Variants in KIAA1217 observed in about 807,000 individuals in gnomAD.
KIAA1217 encodes KIAA1217, also known as sickle tail protein homolog.
KIAA1217 carries 88 observed loss-of-function variants against 163.9 expected under a neutral mutation model. The ratio of observed to expected loss-of-function variants is 0.54; its 90% CI spans 0.45 to 0.64. KIAA1217 has a LOEUF of 0.64. Among genes scored for constraint, KIAA1217 ranks in the 30% least tolerant of loss-of-function variants. The pLI is 0.00. For missense variants in KIAA1217, 2,372 were observed against 2,475.0 expected, an observed-to-expected ratio of 0.96 and a Z score of 0.88; for synonymous variants, 903 against 923.1, an observed-to-expected ratio of 0.98 and a Z score of 0.39.
chr10:24,536,570 T>C (rs1006568355), intron 16 of KIAA1217, among the ~76,000 whole-genome samples: 9 of 152,148 alleles, frequency 5.9e-5, no homozygotes, highest in African/African-American at 2.2e-4. Context: ...GAAGGCAGCC[T>C]TTGCCTCGGA....
upstream of KIAA1217, among the ~76,000 whole-genome samples, chr10:24,205,217 G>C (rs1266602005): frequency 2.7e-5 from 4 of 147,304 alleles, no homozygotes; most frequent in Admixed American, 7.1e-5. Context: ...ATTACTTTGG[G>C]AAGCCAAGGT....
intron 2 of KIAA1217, among the ~76,000 whole-genome samples, chr10:24,333,354 T>C (rs1450883301): frequency 1.3e-5 from 2 of 152,156 alleles, no homozygotes; most frequent in African/African-American, 4.8e-5. Context: ...ATTATGATGA[T>C]GAATGGTTGC....
At position 23,963,760 on chromosome 10, in the gene KIAA1217, C is replaced by T. The variant is rs190293746; in HGVS notation, c.-320-43465C>T. On this transcript the variant is annotated intron_variant, in intron 1 of 18. Coordinates refer to the KIAA1217 transcript ENST00000376462. ...GTGTAAAAGCGTTCCTATTTCTCCGCATCCTCTCCAGCATCTGTTGTTTCC... is the reference window on the plus strand; with the variant it reads ...GTGTAAAAGCGTTCCTATTTCTCCGTATCCTCTCCAGCATCTGTTGTTTCC... Among the ~76,000 whole-genome samples, 18 of 152,330 alleles carry T rather than the reference C, an allele frequency of 1.2e-4. No homozygotes were observed. The East Asian group carries it at 3.1e-3, about 26-fold the overall frequency.
chr10:24,046,715 A>G (rs1849056006), intron 2 of KIAA1217, among the ~76,000 whole-genome samples: 1 of 152,328 alleles, frequency 6.6e-6, no homozygotes, highest in South Asian at 2.1e-4. Context: ...GGGAATTACA[A>G]TCTGACAAAA....
chr10:24,160,359 A>G (rs1347523126), intron 2 of KIAA1217, among the ~76,000 whole-genome samples: 1 of 152,122 alleles, frequency 6.6e-6, no homozygotes, highest in East Asian at 1.9e-4. Flanking sequence ...AGAATGTGGC[A>G]TATATCTCTC....
chr10:24,486,929 C>T (rs1564778266), intron 6 of KIAA1217, among the ~76,000 whole-genome samples: 1 of 152,148 alleles, frequency 6.6e-6, no homozygotes, highest in South Asian at 2.1e-4. Context: ...CTGGAGCATT[C>T]CCTAGTATGC....
chr10:24,104,193 A>G (rs2062530653), intron 2 of KIAA1217, among the ~76,000 whole-genome samples: 2 of 152,216 alleles, frequency 1.3e-5, no homozygotes, highest in East Asian at 1.9e-4. Flanking sequence ...GAAAACTTCT[A>G]TCCACATAAA....
intron 8 of KIAA1217, among the ~76,000 whole-genome samples, chr10:24,499,825 T>C (rs1270527702): frequency 6.6e-6 from 1 of 152,090 alleles, no homozygotes. Context: ...TCTGGCCTGC[T>C]CCCCTGCTGC....
intron 5 of KIAA1217, among the ~76,000 whole-genome samples, chr10:24,452,714 C>G: frequency 6.7e-6 from 1 of 150,306 alleles, no homozygotes; most frequent in East Asian, 1.9e-4. Flanking sequence ...ATGAATGAGA[C>G]CTAGTATTTG....
chr10:23,897,875 T>G (rs1564516323), intron 1 of KIAA1217, among the ~76,000 whole-genome samples: 1 of 152,108 alleles, frequency 6.6e-6, no homozygotes, highest in Non-Finnish European at 1.5e-5. Flanking sequence ...AAATAATTTC[T>G]TAAAATAATC....
intron 2 of KIAA1217, among the ~76,000 whole-genome samples, chr10:24,017,888 A>AAGTGCAC (rs1847558552): frequency 6.6e-6 from 1 of 152,122 alleles, no homozygotes; most frequent in South Asian, 2.1e-4. Context: ...GTGTAAGGAC[A>AAGTGCAC]AGTGCACATC....
chr10:23,758,317 CT>C (rs1277768712), intron 1 of KIAA1217, among the ~76,000 whole-genome samples: 2 of 152,074 alleles, frequency 1.3e-5, no homozygotes, highest in Non-Finnish European at 2.9e-5. Context: ...AAAAAATTAT[CT>C]TTTCCCCAGT....
At chr10:24,224,351 T>A (rs1016422035) in intron 2 of KIAA1217, among the ~76,000 whole-genome samples, 1 of 152,138 alleles carries the variant, frequency 6.6e-6, no homozygotes, top group Non-Finnish European at 1.5e-5. Context: ...TTCTTTTTTT[T>A]TTGAGACAGA....
chr10:24,192,681 G>A (rs541936824), intron 2 of KIAA1217, among the ~76,000 whole-genome samples: 232 of 152,326 alleles, frequency 1.5e-3, no homozygotes, highest in African/African-American at 5.3e-3. Context: ...GAAATGCACA[G>A]GACCCAATTC....
chr10:24,520,243 T>C lies in KIAA1217; in HGVS notation c.2298T>C (p.Ala766=), dbSNP rs771725864. 6.2e-7 allele frequency: 1 copy of C among 1,614,060 alleles called. No individual in the cohort carries two copies. The highest frequency in any genetic ancestry group is 8.5e-7 in the Non-Finnish European group (1 of 1,179,962). ...TGCGTCAAGTGGGAGAGGCTGTAGC[T>C]ACCCTGAAAGGTAAACTTTCTGCTG... ...FLLRQVGEAV[A]TLKGEFPTLQ... Residue 766 remains alanine, a synonymous_variant, in exon 11 of 21, where the codon GCT becomes GCC. Coordinates refer to ENST00000376454, the MANE Select transcript of KIAA1217 (RefSeq NM_019590.5).
At chr10:24,291,194 C>A (rs148145827) in intron 2 of KIAA1217, among the ~76,000 whole-genome samples, 31 of 152,204 alleles carry the variant, frequency 2.0e-4, no homozygotes, top group African/African-American at 7.5e-4. Context: ...ATCCTAGAGC[C>A]CAGTCCCCTG....
chr10:24,193,950 G>GA (rs397708925), intron 2 of KIAA1217, among the ~76,000 whole-genome samples: 4 of 15,488 alleles, frequency 2.6e-4, no homozygotes, highest in African/African-American at 8.0e-4. Context: ...CACTTTGGAA[G>GA]TCTAGGTGGA....
chr10:24,453,505 C>T (rs2061540700), intron 5 of KIAA1217, among the ~76,000 whole-genome samples: 1 of 152,150 alleles, frequency 6.6e-6, no homozygotes, highest in Non-Finnish European at 1.5e-5. Flanking sequence ...GGAGAATAGG[C>T]CATCATGTCA....
chr10:23,807,408 T>G (rs1206155135), intron 1 of KIAA1217, among the ~76,000 whole-genome samples: 1 of 152,216 alleles, frequency 6.6e-6, no homozygotes, highest in Non-Finnish European at 1.5e-5. Context: ...AGATGTGGGG[T>G]TGTGATGTTA....
Sources: gnomAD v4.1 joint callset for allele counts (sites outside exome capture counted in the v4.1 genomes callset) on GRCh38, gnomAD v4.1.1 for gene constraint, MANE v1.5 for transcripts, NCBI Gene and HGNC (gene_info 2026-07-23, HGNC 2026-07-21) for gene names.